The following ZNF2 variants were observed in gnomAD, a reference collection of about 807,000 sequenced individuals.
ZNF2 encodes zinc finger protein 2.2.
In ZNF2, 12 loss-of-function variants were observed where a neutral mutation model predicts 21.9. That is an observed-to-expected ratio of 0.55 (90% CI 0.35 to 0.89). The LOEUF (loss-of-function observed/expected upper bound fraction) is 0.89, where lower values mean the gene tolerates loss of function less well. Ranked by LOEUF, ZNF2 falls within the 40% of genes least tolerant of loss-of-function variation. The pLI, the probability that ZNF2 is intolerant of heterozygous loss-of-function variation, is 0.01. For missense variants in ZNF2, 462 were observed against 544.2 expected, an observed-to-expected ratio of 0.85 and a Z score of 1.50; for synonymous variants, 186 against 196.3, an observed-to-expected ratio of 0.95 and a Z score of 0.44.
intron 4 of ZNF2, among the ~76,000 whole-genome samples, chr2:95,180,826 A>G (rs900753778): frequency 2.0e-5 from 3 of 152,056 alleles, no homozygotes; most frequent in African/African-American, 7.2e-5. Flanking sequence ...TGCTATTGCT[A>G]TTGAGTGCCA....
intron 2 of ZNF2, among the ~76,000 whole-genome samples, chr2:95,176,965 A>T (rs1469481036): frequency 6.6e-6 from 1 of 152,232 alleles, no homozygotes; most frequent in Non-Finnish European, 1.5e-5. Flanking sequence ...ATTGTAGATT[A>T]GATAATAGTA....
chr2:95,176,314 A>T, intron 2 of ZNF2, 55 bp downstream of exon 2: 1 of 1,610,972 alleles, frequency 6.2e-7, no homozygotes. Context: ...GAATGTAACC[A>T]CTTTTCTTTC....
At chr2:95,174,379 T>C (rs1674374080) in intron 1 of ZNF2, among the ~76,000 whole-genome samples, 1 of 152,180 alleles carries the variant, frequency 6.6e-6, no homozygotes, top group South Asian at 2.1e-4. Context: ...TCCATGCCTG[T>C]GGAGAAAGGG....
At chr2:95,171,661 G>A (rs1186499747) in intron 1 of ZNF2, among the ~76,000 whole-genome samples, 2 of 152,184 alleles carry the variant, frequency 1.3e-5, no homozygotes, top group Non-Finnish European at 1.5e-5. Flanking sequence ...GATTACAGGC[G>A]TGAGCCACCG....
intron 1 of ZNF2, among the ~76,000 whole-genome samples, chr2:95,173,288 G>A (rs1194084930): frequency 6.6e-6 from 1 of 151,982 alleles, no homozygotes; most frequent in Non-Finnish European, 1.5e-5. Context: ...ATGAGATAAT[G>A]TATATATATT....
chr2:95,180,877 G>A (rs1674614690), intron 4 of ZNF2, among the ~76,000 whole-genome samples: 1 of 152,102 alleles, frequency 6.6e-6, no homozygotes, highest in African/African-American at 2.4e-5. Context: ...TCCTGGCCAT[G>A]CTCCCACTGG....
At chr2:95,166,483 A>G (rs1428492002) in intron 1 of ZNF2, among the ~76,000 whole-genome samples, 3 of 152,180 alleles carry the variant, frequency 2.0e-5, no homozygotes, top group Non-Finnish European at 2.9e-5. Flanking sequence ...TCAGTAGGCA[A>G]GGTGGCTTAT....
intron 1 of ZNF2, among the ~76,000 whole-genome samples, chr2:95,168,220 AT>A (rs767592900): frequency 5.3e-5 from 8 of 152,054 alleles, no homozygotes; most frequent in Non-Finnish European, 1.0e-4. Flanking sequence ...AGGTCAAGAG[AT>A]TGAAACCATC....
In ZNF2 at chr2:95,181,299, G is replaced by A. The variant is rs112887855; in HGVS notation, c.471G>A (p.Arg157=). Residue 157 remains arginine, a synonymous_variant, in exon 5 of 5, where the codon CGG becomes CGA. Coordinates refer to ENST00000614034, the MANE Select transcript of ZNF2 (RefSeq NM_021088.4). ...KKSLSRDKGL[R]RRSALSREIL... Reference sequence around the variant, plus strand: ...CCCTCTCCCGGGACAAAGGCTTGCGGCGACGGTCAGCCCTGTCCAGGGAAA... The same window carrying A: ...CCCTCTCCCGGGACAAAGGCTTGCGACGACGGTCAGCCCTGTCCAGGGAAA... The A allele has an allele frequency of 7.4e-6, 12 of 1,614,098 alleles. No homozygotes were observed. The highest frequency in any genetic ancestry group is 1.0e-5 in the Non-Finnish European group (12 of 1,180,044).
rs781625134 is a variant in ZNF2, at chr2:95,176,225, G to A, written c.-2G>A. 9.3e-6 allele frequency: 15 copies of A among 1,614,046 alleles called. No individual in the cohort carries two copies. In the Admixed American group the frequency reaches 1.8e-4, roughly 20 times the overall value. ...GTCCACAAGGAGAGCACACAGGAGA[G>A]AATGGCTGCTGTGTCTCCGACCACC... On this transcript the variant is annotated 5_prime_UTR_variant, in exon 2 of 5. Transcript: ENST00000614034.
intron 2 of ZNF2, 102 bp downstream of exon 2, chr2:95,176,361 C>A (rs1674445451): frequency 6.5e-6 from 9 of 1,385,970 alleles, no homozygotes; most frequent in East Asian, 2.3e-5. Flanking sequence ...CCCAGCCAGG[C>A]AGATGAAGGA....
chr2:95,171,439 G>A (rs1445991211), intron 1 of ZNF2, among the ~76,000 whole-genome samples: 2 of 151,476 alleles, frequency 1.3e-5, no homozygotes, highest in Non-Finnish European at 1.5e-5. Flanking sequence ...CTAGAGTGCA[G>A]TGGTGTGATC....
chr2:95,176,048 T>C (rs1189637813), intron 1 of ZNF2, 140 bp from the exon 2 acceptor site: 1 of 786,294 alleles, frequency 1.3e-6, no homozygotes, highest in African/African-American at 1.7e-5. Flanking sequence ...TGTTCCTGGC[T>C]TTGCTTTACT....
intron 1 of ZNF2, among the ~76,000 whole-genome samples, chr2:95,169,037 G>GA (rs1453454796): frequency 4.6e-5 from 7 of 152,214 alleles, no homozygotes; most frequent in Non-Finnish European, 8.8e-5. Context: ...GCAGGGATAG[G>GA]AAAAGAGAAC....
chr2:95,182,357 A>G lies in ZNF2; in HGVS notation c.*251A>G, dbSNP rs1674706252. 1 of 421,982 alleles carries G rather than the reference A, an allele frequency of 2.4e-6. No individual in the cohort carries two copies. Among genetic ancestry groups the G allele is most frequent in the South Asian group, 4.6e-5 (1 of 21,738 alleles). 26.1% of individuals were successfully genotyped at this position (421,982 alleles called of 1,614,324 possible). ...AGACAATAGGATAGATGTTAGGAGGAGACACACCTCTTGTCTGAGAACCTA... is the reference window on the plus strand; with the variant it reads ...AGACAATAGGATAGATGTTAGGAGGGGACACACCTCTTGTCTGAGAACCTA... On this transcript the variant is annotated 3_prime_UTR_variant, in exon 5 of 5. Coordinates refer to ENST00000614034, the MANE Select transcript of ZNF2 (RefSeq NM_021088.4).
At chr2:95,167,239 C>A (rs1264798577) in intron 1 of ZNF2, among the ~76,000 whole-genome samples, 1 of 152,196 alleles carries the variant, frequency 6.6e-6, no homozygotes, top group East Asian at 1.9e-4. Context: ...CACAGTGGCT[C>A]ACGCCTGTAA....
At chr2:95,174,358 C>G (rs762601019) in intron 1 of ZNF2, among the ~76,000 whole-genome samples, 4 of 152,126 alleles carry the variant, frequency 2.6e-5, no homozygotes, top group Non-Finnish European at 5.9e-5. Flanking sequence ...CACCCAAATC[C>G]TTCAGTAATC....
intron 3 of ZNF2, 30 bp from the exon 4 acceptor site, chr2:95,180,129 C>T (rs1276489024): frequency 6.8e-7 from 1 of 1,465,036 alleles, no homozygotes; most frequent in Admixed American, 1.7e-5. Context: ...CACACACAGC[C>T]ACCTGCTTTG....
chr2:95,171,285 G>A (rs1449727488), intron 1 of ZNF2, among the ~76,000 whole-genome samples: 1 of 151,828 alleles, frequency 6.6e-6, no homozygotes, highest in Non-Finnish European at 1.5e-5. Flanking sequence ...GAACGGCATC[G>A]TTATCCATGC....
Sources: gnomAD v4.1 joint callset for allele counts (sites outside exome capture counted in the v4.1 genomes callset) on GRCh38, gnomAD v4.1.1 for gene constraint, MANE v1.5 for transcripts, NCBI Gene and HGNC (gene_info 2026-07-23, HGNC 2026-07-21) for gene names.